ADAM29: variants seen among roughly 807,000 people sequenced by gnomAD.
ADAM29 encodes the protein disintegrin and metalloproteinase domain-containing protein 29.
For missense variants in ADAM29, 969 were observed against 1,001.8 expected (o/e 0.97, Z 0.44); for synonymous variants, 367 against 342.3 (o/e 1.07, Z -0.80).
intron 4 of ADAM29, among the ~76,000 whole-genome samples, chr4:174,972,970 C>T (rs1390156588): frequency 1.3e-5 from 2 of 152,168 alleles, no homozygotes; most frequent in Non-Finnish European, 2.9e-5. Context: ...TGTGCCAGAC[C>T]CATTCGAGCT....
intron 2 of ADAM29, among the ~76,000 whole-genome samples, chr4:174,924,922 C>A (rs958547625): frequency 6.6e-6 from 1 of 152,084 alleles, no homozygotes; most frequent in African/African-American, 2.4e-5. Context: ...CTACCTAAGC[C>A]CGATGATGAA....
intron 4 of ADAM29, among the ~76,000 whole-genome samples, chr4:174,964,809 T>C (rs1746055955): frequency 6.6e-6 from 1 of 152,110 alleles, no homozygotes; most frequent in South Asian, 2.1e-4. Flanking sequence ...AGATTATGGG[T>C]ACCTTATTTT....
At chr4:174,925,392 G>T (rs569104403) in intron 2 of ADAM29, among the ~76,000 whole-genome samples, 2 of 151,778 alleles carry the variant, frequency 1.3e-5, no homozygotes, top group Admixed American at 6.6e-5. Context: ...AAATTAAAAC[G>T]GTTTTAAAAA....
At chr4:174,964,122 C>T (rs1746018182) in intron 4 of ADAM29, among the ~76,000 whole-genome samples, 1 of 151,456 alleles carries the variant, frequency 6.6e-6, no homozygotes, top group Admixed American at 6.6e-5. Context: ...GTTTGAAGGC[C>T]CAACCCCCAG....
chr4:174,921,383 C>T (rs1436500190), intron 2 of ADAM29, among the ~76,000 whole-genome samples: 1 of 152,180 alleles, frequency 6.6e-6, no homozygotes, highest in African/African-American at 2.4e-5. Context: ...ACTCAACCAA[C>T]ATCAGTGAGA....
At chr4:174,933,712 T>C (rs898972856) in intron 3 of ADAM29, among the ~76,000 whole-genome samples, 2 of 152,162 alleles carry the variant, frequency 1.3e-5, no homozygotes, top group African/African-American at 4.8e-5. Context: ...CAACTTATAA[T>C]TGAGAACATG....
intron 4 of ADAM29, among the ~76,000 whole-genome samples, chr4:174,945,396 C>T: frequency 6.6e-6 from 1 of 152,128 alleles, no homozygotes; most frequent in Non-Finnish European, 1.5e-5. Flanking sequence ...GGATATTAGA[C>T]CTTTGTCAGA....
At chr4:174,963,899 G>C (rs1439198192) in intron 4 of ADAM29, among the ~76,000 whole-genome samples, 4 of 151,960 alleles carry the variant, frequency 2.6e-5, no homozygotes, top group Admixed American at 2.6e-4. Flanking sequence ...TCGAACTCCT[G>C]ACCTCGTGAT....
intron 4 of ADAM29, among the ~76,000 whole-genome samples, chr4:174,946,198 A>T (rs1041352172): frequency 6.6e-6 from 1 of 151,930 alleles, no homozygotes; most frequent in Non-Finnish European, 1.5e-5. Context: ...CATGGACAAA[A>T]TCTTTTACCT....
chr4:174,976,821 T>C lies in ADAM29; in HGVS notation c.1296T>C (p.Thr432=). 2 of 1,614,234 alleles carry C rather than the reference T, an allele frequency of 1.2e-6. No individual in the cohort carries two copies. Among genetic ancestry groups the C allele is most frequent in the Non-Finnish European group, 1.7e-6 (2 of 1,180,040 alleles). ...GCTGTCTGTCAAATTGCACTCTGACTGATGGTTCTACTTGTGCTTTTGGGC... is the reference window on the plus strand; with the variant it reads ...GCTGTCTGTCAAATTGCACTCTGACCGATGGTTCTACTTGTGCTTTTGGGC... ...DPCCLSNCTL[T]DGSTCAFGLC... is the part of the protein sequence containing the mutation. The change falls in exon 5 of 5, where the codon ACT becomes ACC. Residue 432 remains threonine, a synonymous_variant. Transcript: ENST00000359240.
intron 3 of ADAM29, among the ~76,000 whole-genome samples, chr4:174,934,648 A>C (rs1388536399): frequency 6.6e-6 from 1 of 152,128 alleles, no homozygotes; most frequent in Non-Finnish European, 1.5e-5. Context: ...TGTGATATTT[A>C]AAAGTAACAT....
chr4:174,954,079 T>G (rs56318412), intron 4 of ADAM29, among the ~76,000 whole-genome samples: 1 of 151,936 alleles, frequency 6.6e-6, no homozygotes, highest in African/African-American at 2.4e-5. Flanking sequence ...CTTTCCCTCA[T>G]TTTCAAAATC....
chr4:174,976,998 C>A lies in ADAM29; in HGVS notation c.1473C>A (p.Gly491=), dbSNP rs1746860245. The A allele has an allele frequency of 2.5e-6, 4 of 1,614,130 alleles. No homozygotes were observed. Among genetic ancestry groups the A allele is most frequent in the African/African-American group, 1.3e-5 (1 of 75,032 alleles). ...ATGGAATTCCCTGTAAGGAGAGGGG[C>A]TACTGCTATGAAAAGAGCTGTCATG... ...VEDGIPCKER[G]YCYEKSCHDR... The change falls in exon 5 of 5, where the codon GGC becomes GGA. Residue 491 remains glycine (G), a synonymous_variant. Transcript: ENST00000359240.
intron 1 of ADAM29, chr4:174,918,878 C>A (rs1743017675): frequency 6.6e-6 from 1 of 152,118 alleles, no homozygotes; most frequent in Non-Finnish European, 1.5e-5. Flanking sequence ...GTCTTTGGTG[C>A]ATAATGAAAT....
chr4:174,971,662 C>T (rs1346167822), intron 4 of ADAM29, among the ~76,000 whole-genome samples: 2 of 152,096 alleles, frequency 1.3e-5, no homozygotes, highest in Non-Finnish European at 2.9e-5. Flanking sequence ...AATGTGATTA[C>T]AATGTGTCTC....
intron 3 of ADAM29, among the ~76,000 whole-genome samples, chr4:174,933,938 G>A (rs1024232249): frequency 1.3e-5 from 2 of 152,110 alleles, no homozygotes; most frequent in Non-Finnish European, 2.9e-5. Flanking sequence ...AATGAACATA[G>A]GTGTTCTTGT....
At chr4:174,974,036 A>C (rs937778155) in intron 4 of ADAM29, among the ~76,000 whole-genome samples, 3 of 152,316 alleles carry the variant, frequency 2.0e-5, no homozygotes, top group Admixed American at 2.0e-4. Flanking sequence ...CGGTTAGGTT[A>C]GTCATCCAGT....
intron 4 of ADAM29, among the ~76,000 whole-genome samples, chr4:174,952,998 A>G (rs1252779086): frequency 6.6e-6 from 1 of 152,218 alleles, no homozygotes; most frequent in East Asian, 1.9e-4. Flanking sequence ...TATCATTAAG[A>G]ATGCTAGGCT....
intron 3 of ADAM29, among the ~76,000 whole-genome samples, chr4:174,935,337 T>C (rs1744143668): frequency 6.6e-6 from 1 of 152,112 alleles, no homozygotes; most frequent in Admixed American, 6.6e-5. Flanking sequence ...TAGATTAAAA[T>C]ATGTAAATAA....
Sources: gnomAD v4.1 joint callset for allele counts (sites outside exome capture counted in the v4.1 genomes callset) on GRCh38, gnomAD v4.1.1 for gene constraint, MANE v1.5 for transcripts, NCBI Gene and HGNC (gene_info 2026-07-23, HGNC 2026-07-21) for gene names.